HEATR4: variants seen among roughly 807,000 people sequenced by gnomAD.
HEATR4 encodes the protein HEAT repeat-containing protein 4.
HEATR4 carries 95 observed loss-of-function variants against 108.8 expected under a neutral mutation model. The observed-to-expected ratio is 0.87, with a 90% CI of 0.74 to 1.04. The LOEUF (loss-of-function observed/expected upper bound fraction) is 1.04. HEATR4 is among the 50% of genes least tolerant of loss of function. The pLI, the probability that HEATR4 is intolerant of heterozygous loss-of-function variation, is 0.00. For missense variants in HEATR4, 1,152 were observed against 1,253.8 expected, an observed-to-expected ratio of 0.92 and a Z score of 1.23; for synonymous variants, 443 against 459.4, an observed-to-expected ratio of 0.96 and a Z score of 0.46.
At chr14:73,504,938 TG>T (rs1481677358) in intron 10 of HEATR4, among the ~76,000 whole-genome samples, 3 of 152,136 alleles carry the variant, frequency 2.0e-5, no homozygotes, top group Admixed American at 1.3e-4. Context: ...ACAGTTGGTT[TG>T]TTTTTTTTTT....
intron 7 of HEATR4, among the ~76,000 whole-genome samples, 167 bp downstream of exon 7, chr14:73,511,839 A>C (rs1887286229): frequency 6.6e-6 from 1 of 152,244 alleles, no homozygotes; most frequent in Non-Finnish European, 1.5e-5. Flanking sequence ...CTGGAATTTT[A>C]ATCTCGTCTC....
rs1368241048 is a variant in HEATR4 at position 73,551,012 on chromosome 14, C to T, written c.-152+7739G>A. Among the ~76,000 whole-genome samples, 6 of 113,666 alleles carry T rather than the reference C, an allele frequency of 5.3e-5. 2 individuals are homozygous for T. The highest frequency in any genetic ancestry group is 7.7e-5 in the Non-Finnish European group (4 of 52,180). 74.6% of individuals were successfully genotyped at this position (113,666 alleles called of 152,430 possible). The stretch of plus-strand genomic sequence containing the variant: ...TCTGTACTAAAAATACAAAAATTAG[C>T]CGAGTGTGGTGGCATGTGCCTGTAG... On this transcript the variant is annotated intron_variant, in intron 1 of 17. Coordinates refer to ENST00000553558, the MANE Select transcript of HEATR4 (RefSeq NM_001220484.1).
At chr14:73,587,582 C>G in the HEATR4 span, among the ~76,000 whole-genome samples, 2 of 152,314 alleles carry the variant, frequency 1.3e-5, no homozygotes, top group East Asian at 3.9e-4. Context: ...TCTCAAACTC[C>G]TGGCCTCAAG....
the HEATR4 span, among the ~76,000 whole-genome samples, chr14:73,598,327 T>C: frequency 1.3e-5 from 2 of 148,682 alleles, no homozygotes; most frequent in Non-Finnish European, 3.0e-5. Flanking sequence ...GAGGCAGAAC[T>C]TGCAGTGAGC....
chr14:73,506,802 C>CTGTTTTT (rs1555390522), intron 9 of HEATR4, among the ~76,000 whole-genome samples: 2 of 58,056 alleles, frequency 3.4e-5, no homozygotes, highest in Non-Finnish European at 5.7e-5. Context: ...CTGACTTTAA[C>CTGTTTTT]TGTTTTTTTT....
rs1595105801 is a variant in HEATR4 at position 73,506,484 on chromosome 14, T to G, written c.1969A>C (p.Ser657Arg). Residue 657 changes from serine to arginine, a missense_variant, in exon 10 of 18, where the codon AGT becomes CGT. Coordinates refer to ENST00000553558, the MANE Select transcript of HEATR4 (RefSeq NM_001220484.1). ...IVACQAFSRI[S>R]GNVCLDMKHK... ...AGGTTTACCAAGCAGACATTTCCAC[T>G]GATCCGGGAGAAAGCCTGGCAGGCC... The G allele has an allele frequency of 6.2e-7, 1 of 1,613,622 alleles. No homozygotes were observed. The highest frequency in any genetic ancestry group is 2.2e-5 in the East Asian group (1 of 44,870).
At position 73,478,747 on chromosome 14, in the gene HEATR4, T is replaced by C. The variant is rs777293120; in HGVS notation, c.2940A>G (p.Leu980=). The change falls in exon 18 of 18, where the codon CTA becomes CTG. Residue 980 remains leucine, a synonymous_variant. Transcript: ENST00000553558. ...CAATCCTTTTCTCGGGGGAGGTGCG[T>C]AGATCTTTGACAAGTGATGAACGAA... ...SKVRSSLVKD[L]RTSPEKRIAV... The C allele has an allele frequency of 6.2e-7, 1 of 1,613,990 alleles. No individual in the cohort carries two copies. Among genetic ancestry groups the C allele is most frequent in the Non-Finnish European group, 8.5e-7 (1 of 1,179,974 alleles).
At chr14:73,510,410 C>T (rs1415115352) in intron 7 of HEATR4, among the ~76,000 whole-genome samples, 1 of 151,232 alleles carries the variant, frequency 6.6e-6, no homozygotes, top group African/African-American at 2.4e-5. Flanking sequence ...TCAGGCATCC[C>T]TGTTGGCTGG....
chr14:73,508,845 C>CT (rs1806348064), intron 8 of HEATR4, among the ~76,000 whole-genome samples: 2 of 147,846 alleles, frequency 1.4e-5, no homozygotes, highest in African/African-American at 4.9e-5. Flanking sequence ...AGCAAATTTT[C>CT]TTTTTTTCCT....
chr14:73,564,602 C>T, the HEATR4 span, among the ~76,000 whole-genome samples: 2 of 151,640 alleles, frequency 1.3e-5, no homozygotes, highest in East Asian at 3.9e-4. Flanking sequence ...TGAGACACCC[C>T]GTCTTAAAAA....
chr14:73,596,748 G>A, the HEATR4 span, among the ~76,000 whole-genome samples: 1 of 151,908 alleles, frequency 6.6e-6, no homozygotes, highest in Admixed American at 6.6e-5. Flanking sequence ...ACAGGCATGT[G>A]CCACCATGCC....
chr14:73,592,013 G>T, the HEATR4 span: 1 of 1,433,958 alleles, frequency 7.0e-7, no homozygotes. Flanking sequence ...GGAACGAGCC[G>T]GTGCGCATTG....
At chr14:73,585,811 T>A in the HEATR4 span, among the ~76,000 whole-genome samples, 1 of 142,158 alleles carries the variant, frequency 7.0e-6, no homozygotes, top group Non-Finnish European at 1.5e-5. Flanking sequence ...ACCACTGTTT[T>A]GTCTTTTTCT....
the HEATR4 span, among the ~76,000 whole-genome samples, chr14:73,592,767 C>T: frequency 1.3e-5 from 2 of 152,138 alleles, no homozygotes; most frequent in African/African-American, 4.8e-5. Flanking sequence ...GCACGAGAAT[C>T]GCTTGAACCT....
chr14:73,587,086 A>C, the HEATR4 span, among the ~76,000 whole-genome samples: 2 of 151,832 alleles, frequency 1.3e-5, no homozygotes, highest in Non-Finnish European at 2.9e-5. Flanking sequence ...GAGTTTACTC[A>C]ATTTCCTCCC....
At position 73,531,611 on chromosome 14, in the gene HEATR4, A is replaced by G. The variant is rs1385829786; in HGVS notation, c.-151-1367T>C. 1.8e-4 allele frequency among the ~76,000 whole-genome samples: 19 copies of G among 108,208 alleles called. 3 individuals carry two copies. Among genetic ancestry groups the G allele is most frequent in the African/African-American group, 5.6e-4 (19 of 33,686 alleles). The allele number at this position is 108,208 out of a possible 152,430, so 71.0% of individuals were successfully genotyped here. A position where few individuals can be genotyped will look rare whatever the true frequency, so the allele number is the denominator to read the frequency against. ...TTTAGTAGAGATGGGGTTTCACCAT[A>G]TTGGCCAGGCTGTTCTCGAACTCCT... On this transcript the variant is annotated intron_variant, in intron 1 of 17. Transcript: ENST00000553558.
chr14:73,573,611 T>C, the HEATR4 span: 1 of 1,613,060 alleles, frequency 6.2e-7, no homozygotes, highest in Non-Finnish European at 8.5e-7. Flanking sequence ...CTTTCAGATT[T>C]ATGGGCTATG....
At chr14:73,624,420 C>T in the HEATR4 span, among the ~76,000 whole-genome samples, 13 of 152,164 alleles carry the variant, frequency 8.5e-5, no homozygotes, top group Admixed American at 2.6e-4. Flanking sequence ...TGAGCCAACG[C>T]GCCCCGCCCA....
intron 17 of HEATR4, 75 bp from the exon 18 acceptor site, chr14:73,478,917 C>A: frequency 8.9e-7 from 1 of 1,123,336 alleles, no homozygotes; most frequent in Non-Finnish European, 1.3e-6. Context: ...AAGTGAAGGC[C>A]TCTTTGGCTA....
Sources: gnomAD v4.1 joint callset for allele counts (sites outside exome capture counted in the v4.1 genomes callset) on GRCh38, gnomAD v4.1.1 for gene constraint, MANE v1.5 for transcripts, NCBI Gene and HGNC (gene_info 2026-07-23, HGNC 2026-07-21) for gene names.